NUP205: variants seen among roughly 807,000 people sequenced by gnomAD.
NUP205 encodes the protein nucleoporin 205.
Under a neutral mutation model 253.8 loss-of-function variants are expected in NUP205, and 76 were observed. That is an observed-to-expected ratio of 0.30 (90% CI 0.25 to 0.36). The LOEUF is 0.36. Among genes scored for constraint, NUP205 ranks in the 10% least tolerant of loss-of-function variants. The pLI is 1.00. For missense variants in NUP205, 2,162 were observed against 2,425.5 expected, an observed-to-expected ratio of 0.89 and a Z score of 2.28; for synonymous variants, 832 against 850.1, an observed-to-expected ratio of 0.98 and a Z score of 0.37.
At chr7:135,645,096 G>A (rs758828144) in intron 40 of NUP205, 78 bp downstream of exon 40, 18 of 1,531,352 alleles carry the variant, frequency 1.2e-5, no homozygotes, top group East Asian at 2.3e-5. Flanking sequence ...TATTATTTGG[G>A]CACCAAAACC....
At chr7:135,570,484 G>C (rs184158463) in intron 1 of NUP205, among the ~76,000 whole-genome samples, 1 of 151,516 alleles carries the variant, frequency 6.6e-6, no homozygotes, top group Non-Finnish European at 1.5e-5. Context: ...CAGAGTGCTG[G>C]GATTACAGGC....
chr7:135,642,572 G>T (rs905648471), intron 38 of NUP205, among the ~76,000 whole-genome samples: 1 of 152,132 alleles, frequency 6.6e-6, no homozygotes, highest in Non-Finnish European at 1.5e-5. Flanking sequence ...TTAGCCAGTA[G>T]CCAGGTAAAA....
intron 1 of NUP205, among the ~76,000 whole-genome samples, chr7:135,570,081 A>AGAGAGAGG (rs1554456258): frequency 1.2e-4 from 18 of 149,708 alleles, no homozygotes; most frequent in Non-Finnish European, 1.8e-4. Flanking sequence ...AGAGAGAGAG[A>AGAGAGAGG]GAGAGAGAGA....
chr7:135,621,944 A>T (rs1219956805), intron 30 of NUP205, among the ~76,000 whole-genome samples: 1 of 151,876 alleles, frequency 6.6e-6, no homozygotes, highest in Non-Finnish European at 1.5e-5. Flanking sequence ...CTGGGATTAT[A>T]GGTGTGCACC....
intron 22 of NUP205, among the ~76,000 whole-genome samples, chr7:135,611,077 C>T (rs1794220314): frequency 6.7e-6 from 1 of 150,336 alleles, no homozygotes; most frequent in Admixed American, 6.6e-5. Flanking sequence ...GTGGTCTCGG[C>T]TCACTGCAAC....
Position 135,644,905 on chromosome 7 carries a change from C to T in NUP205, c.5570C>T (p.Ser1857Phe), listed in dbSNP as rs1348879177. The T allele has an allele frequency of 6.2e-7, 1 of 1,613,808 alleles. No homozygotes were observed. The highest frequency in any genetic ancestry group is 1.1e-5 in the South Asian group (1 of 90,966). The change falls in exon 40 of 43, where the codon TCT becomes TTT. Residue 1857 changes from serine (S) to phenylalanine (F), a missense_variant. Transcript: ENST00000285968. ...ATTTGTTTCTTCTAGTTGTGTCAGT[C>T]TGTGATGCCTGCTGGTGTTGATAAA... ...PPDEIKELCQ[S>F]VMPAGVDKIS...
intron 1 of NUP205, among the ~76,000 whole-genome samples, chr7:135,570,462 G>A (rs188922006): frequency 2.6e-5 from 4 of 151,500 alleles, no homozygotes; most frequent in Admixed American, 6.6e-5. Context: ...TAATCTGTCC[G>A]CCTTGGCCTC....
chr7:135,608,240 G>A (rs1288027047), intron 22 of NUP205, among the ~76,000 whole-genome samples: 1 of 151,930 alleles, frequency 6.6e-6, no homozygotes, highest in Non-Finnish European at 1.5e-5. Context: ...TGGCCAGGAT[G>A]GTCTCAATCT....
intron 7 of NUP205, among the ~76,000 whole-genome samples, chr7:135,580,429 C>G (rs983922757): frequency 1.3e-5 from 2 of 152,084 alleles, no homozygotes; most frequent in African/African-American, 4.8e-5. Context: ...CATAAAGTTA[C>G]CCTTTAACCT....
At chr7:135,565,007 G>A (rs893785262) in intron 1 of NUP205, among the ~76,000 whole-genome samples, 1 of 152,096 alleles carries the variant, frequency 6.6e-6, no homozygotes, top group African/African-American at 2.4e-5. Context: ...GACCTCAAGT[G>A]ATCTGCCCGC....
intron 30 of NUP205, 84 bp from the exon 31 acceptor site, chr7:135,622,693 C>T: frequency 2.4e-6 from 3 of 1,233,020 alleles, no homozygotes; most frequent in Non-Finnish European, 2.3e-6. Context: ...TCTTCCTTAG[C>T]TCATACCTAG....
chr7:135,619,333 C>T, intron 28 of NUP205, 90 bp from the exon 29 acceptor site: 1 of 1,366,546 alleles, frequency 7.3e-7, no homozygotes, highest in Non-Finnish European at 1.0e-6. Context: ...CAGAGCGAGA[C>T]CCTGTCTTCA....
At chr7:135,645,705 G>T in intron 41 of NUP205, 109 bp downstream of exon 41, 1 of 1,093,112 alleles carries the variant, frequency 9.1e-7, no homozygotes. Flanking sequence ...AGTGAATTGG[G>T]TGAATCAAGA....
At chr7:135,582,767 C>T (rs1806343617) in intron 7 of NUP205, among the ~76,000 whole-genome samples, 1 of 150,622 alleles carries the variant, frequency 6.6e-6, no homozygotes, top group Non-Finnish European at 1.5e-5. Flanking sequence ...GCTGATAATG[C>T]AGACTTTATT....
chr7:135,603,079 C>A, intron 18 of NUP205, 85 bp downstream of exon 18: 5 of 841,812 alleles, frequency 5.9e-6, no homozygotes, highest in Non-Finnish European at 7.1e-6. Flanking sequence ...GTATCTAGTG[C>A]ATCACCTTTT....
At chr7:135,583,075 G>A (rs1160937515) in intron 7 of NUP205, among the ~76,000 whole-genome samples, 1 of 152,178 alleles carries the variant, frequency 6.6e-6, no homozygotes, top group Admixed American at 6.5e-5. Flanking sequence ...CGGCGACAGA[G>A]CGAGACTCCA....
chr7:135,629,802 G>A (rs1482834993), intron 34 of NUP205, among the ~76,000 whole-genome samples: 1 of 152,100 alleles, frequency 6.6e-6, no homozygotes, highest in African/African-American at 2.4e-5. Flanking sequence ...TGGGATTACA[G>A]GCGTGAGCCA....
chr7:135,607,511 G>T, intron 22 of NUP205, 140 bp downstream of exon 22: 1 of 936,396 alleles, frequency 1.1e-6, no homozygotes, highest in Non-Finnish European at 1.5e-6. Flanking sequence ...TTTCATTTGT[G>T]GATAAAATCC....
intron 7 of NUP205, 114 bp from the exon 8 acceptor site, chr7:135,584,718 C>A (rs1309114748): frequency 5.6e-6 from 5 of 895,512 alleles, no homozygotes; most frequent in Non-Finnish European, 8.8e-6. Context: ...GTGCATAGCA[C>A]ATGCTAGAAG....
Sources: allele counts gnomAD v4.1 joint callset (sites outside exome capture counted in the v4.1 genomes callset), GRCh38; gene constraint gnomAD v4.1.1; transcripts MANE v1.5; gene names NCBI Gene and HGNC (gene_info 2026-07-23, HGNC 2026-07-21).